GLIPR1L2: variants seen among roughly 807,000 people sequenced by gnomAD.
GLIPR1L2 encodes the protein GLIPR1 like 2.
In GLIPR1L2, 21 loss-of-function variants were observed where a neutral mutation model predicts 28.4. The observed-to-expected ratio is 0.74, with a 90% CI of 0.52 to 1.06. GLIPR1L2 has a LOEUF of 1.06. Among genes scored for constraint, GLIPR1L2 ranks in the 50% least tolerant of loss-of-function variants. GLIPR1L2 has a pLI of 0.00. For missense variants in GLIPR1L2, 476 were observed against 416.9 expected (o/e 1.14, Z -1.23); for synonymous variants, 145 against 139.3 (o/e 1.04, Z -0.29).
At chr12:75,422,861 G>A in intron 3 of GLIPR1L2, 43 bp from the exon 4 acceptor site, 1 of 1,480,082 alleles carries the variant, frequency 6.8e-7, no homozygotes, top group Non-Finnish European at 9.2e-7. Flanking sequence ...TGTAAAAATG[G>A]AAGCTTATTC....
chr12:75,395,912 T>C (rs1011847227), intron 1 of GLIPR1L2, among the ~76,000 whole-genome samples: 1 of 152,050 alleles, frequency 6.6e-6, no homozygotes, highest in Non-Finnish European at 1.5e-5. Context: ...TCTGGTAACT[T>C]TGGGTTTTGT....
intron 3 of GLIPR1L2, among the ~76,000 whole-genome samples, chr12:75,415,742 T>G (rs2139950916): frequency 6.6e-6 from 1 of 152,262 alleles, no homozygotes; most frequent in African/African-American, 2.4e-5. Context: ...CTTCTGGAGC[T>G]GCCCATGTTT....
In GLIPR1L2 at chr12:75,428,357, T is replaced by C. The variant is rs913738985; in HGVS notation, c.671-2358T>C. On this transcript the variant is annotated intron_variant, in intron 4 of 5. Transcript: ENST00000550916. ...GATTTAGGGTATCTGGCAGGAGAAA[T>C]TTCTAAGCAGAAAAGCACTCAAGAT... Among the ~76,000 whole-genome samples, 3 of 152,070 alleles carry C rather than the reference T, an allele frequency of 2.0e-5. No homozygotes were observed. In the East Asian group the frequency reaches 5.8e-4, roughly 29 times the overall value.
chr12:75,398,246 T>C (rs1020315075), intron 1 of GLIPR1L2, among the ~76,000 whole-genome samples: 8 of 144,814 alleles, frequency 5.5e-5, no homozygotes, highest in South Asian at 4.5e-4. Context: ...GGAGAATCGC[T>C]TGAACCCGGG....
intron 1 of GLIPR1L2, chr12:75,391,637 G>A: frequency 1.2e-6 from 1 of 818,912 alleles, no homozygotes; most frequent in South Asian, 1.5e-5. Flanking sequence ...ATATTTTAAT[G>A]CAACGGGTTT....
intron 3 of GLIPR1L2, among the ~76,000 whole-genome samples, chr12:75,419,061 G>T (rs1027172113): frequency 1.3e-5 from 2 of 152,120 alleles, no homozygotes; most frequent in Admixed American, 1.3e-4. Context: ...ACCTAATGTA[G>T]ATGGTGGGTT....
intron 1 of GLIPR1L2, among the ~76,000 whole-genome samples, chr12:75,399,392 A>G (rs1275916732): frequency 1.3e-5 from 2 of 152,186 alleles, no homozygotes; most frequent in East Asian, 3.8e-4. Context: ...TGCTTCATCC[A>G]TACATCAATA....
intron 1 of GLIPR1L2, among the ~76,000 whole-genome samples, chr12:75,401,200 TATC>T (rs534671245): frequency 2.9e-4 from 44 of 151,790 alleles, no homozygotes; most frequent in South Asian, 6.2e-4. Context: ...CTAAATATGT[TATC>T]ATAAATATGA....
At chr12:75,401,550 C>G (rs10879907) in intron 1 of GLIPR1L2, among the ~76,000 whole-genome samples, 48,608 of 151,694 alleles carry the variant, frequency 0.32, 8,582 homozygotes, top group East Asian at 0.46. Flanking sequence ...ATAGATTTGA[C>G]AAGTAAATTA....
At chr12:75,395,284 G>A (rs1343550282) in intron 1 of GLIPR1L2, among the ~76,000 whole-genome samples, 1 of 151,854 alleles carries the variant, frequency 6.6e-6, no homozygotes. Flanking sequence ...ATTCCACTGG[G>A]TTATCATGTA....
At chr12:75,416,029 A>G (rs2045920125) in intron 3 of GLIPR1L2, among the ~76,000 whole-genome samples, 1 of 152,110 alleles carries the variant, frequency 6.6e-6, no homozygotes, top group Non-Finnish European at 1.5e-5. Flanking sequence ...GATTCATCTT[A>G]GAATTCTGCC....
intron 1 of GLIPR1L2, among the ~76,000 whole-genome samples, chr12:75,400,314 T>C (rs960042732): frequency 2.0e-5 from 3 of 152,022 alleles, no homozygotes; most frequent in African/African-American, 4.8e-5. Context: ...TTAGTAGATA[T>C]AGGTTTTCAC....
intron 3 of GLIPR1L2, among the ~76,000 whole-genome samples, chr12:75,415,153 A>G (rs2045911450): frequency 6.6e-6 from 1 of 152,076 alleles, no homozygotes; most frequent in Admixed American, 6.6e-5. Context: ...GGTTAGATGT[A>G]GGAGTTGAGG....
At chr12:75,427,999 G>C (rs554304620) in intron 4 of GLIPR1L2, among the ~76,000 whole-genome samples, 3 of 152,182 alleles carry the variant, frequency 2.0e-5, no homozygotes, top group Non-Finnish European at 2.9e-5. Context: ...ATTGGTACCA[G>C]TTATAGTGAG....
chr12:75,397,930 C>T (rs1196462059), intron 1 of GLIPR1L2, among the ~76,000 whole-genome samples: 2 of 151,972 alleles, frequency 1.3e-5, no homozygotes, highest in Non-Finnish European at 2.9e-5. Flanking sequence ...TCCTCTCCTC[C>T]GATTAGGCAC....
chr12:75,392,723 A>G (rs1320209264), intron 1 of GLIPR1L2, among the ~76,000 whole-genome samples: 2 of 152,058 alleles, frequency 1.3e-5, no homozygotes, highest in Non-Finnish European at 2.9e-5. Flanking sequence ...TAGGTTTTCT[A>G]TCTCATCTCT....
At chr12:75,420,197 T>A (rs2045962951) in intron 3 of GLIPR1L2, among the ~76,000 whole-genome samples, 2 of 152,146 alleles carry the variant, frequency 1.3e-5, no homozygotes, top group South Asian at 4.1e-4. Context: ...ACTATGTGAG[T>A]CTGGATGGAG....
intron 1 of GLIPR1L2, among the ~76,000 whole-genome samples, chr12:75,393,811 C>A (rs1056015026): frequency 1.3e-5 from 2 of 151,914 alleles, no homozygotes; most frequent in African/African-American, 4.8e-5. Flanking sequence ...TTTCAAAGAA[C>A]CCCCATTCTG....
chr12:75,430,633 C>A, intron 4 of GLIPR1L2, 82 bp from the exon 5 acceptor site: 1 of 1,268,620 alleles, frequency 7.9e-7, no homozygotes, highest in Non-Finnish European at 1.1e-6. Flanking sequence ...GAGAAAGTGA[C>A]ACTATTATTG....
Sources: gnomAD v4.1 joint callset for allele counts (sites outside exome capture counted in the v4.1 genomes callset) on GRCh38, gnomAD v4.1.1 for gene constraint, MANE v1.5 for transcripts, NCBI Gene and HGNC (gene_info 2026-07-23, HGNC 2026-07-21) for gene names.